NUBPL: variants seen among roughly 807,000 people sequenced by gnomAD.
The protein encoded by NUBPL is NUBP iron-sulfur cluster assembly factor, mitochondrial, also known as iron-sulfur cluster transfer protein NUBPL.
Under a neutral mutation model 45.7 loss-of-function variants are expected in NUBPL, and 31 were observed. That is an observed-to-expected ratio of 0.68 (90% CI 0.51 to 0.92). The LOEUF is 0.92. Among genes scored for constraint, NUBPL ranks in the 40% least tolerant of loss-of-function variants. NUBPL has a pLI of 0.00. For synonymous variants in NUBPL, 144 were observed against 140.9 expected, an observed-to-expected ratio of 1.02 and a Z score of -0.15; for missense variants, 401 against 398.7, an observed-to-expected ratio of 1.01 and a Z score of -0.05.
Position 31,861,143 on chromosome 14 carries a change from C to A in NUBPL, c.*1963C>A, listed in dbSNP as rs1164142579. The A allele has an allele frequency of 6.6e-6, 1 of 152,024 alleles. No individual in the cohort carries two copies. The highest frequency in any genetic ancestry group is 1.9e-4 in the East Asian group (1 of 5,190). The allele number at this position is 152,024 out of a possible 1,614,324, so 9.4% of individuals were successfully genotyped here. The stretch of plus-strand genomic sequence containing the variant: ...CCACTGGGGGAAATTGGGTGAAGGG[C>A]ACATGGAATCTCTGTATTATTTCAA... On this transcript the variant is annotated 3_prime_UTR_variant, in exon 11 of 11. Coordinates refer to ENST00000281081, the MANE Select transcript of NUBPL (RefSeq NM_025152.3).
At chr14:31,725,235 G>A (rs2037894958) in intron 6 of NUBPL, among the ~76,000 whole-genome samples, 1 of 152,086 alleles carries the variant, frequency 6.6e-6, no homozygotes, top group Non-Finnish European at 1.5e-5. Flanking sequence ...AACCCTGTGA[G>A]ATAGGTTGTA....
intron 4 of NUBPL, among the ~76,000 whole-genome samples, chr14:31,603,462 AT>A (rs1237266240): frequency 2.0e-5 from 3 of 152,054 alleles, no homozygotes. Flanking sequence ...TGGGCTTTTT[AT>A]TTTCCATTGT....
chr14:31,695,158 TAGTC>T (rs775553583), intron 6 of NUBPL, among the ~76,000 whole-genome samples: 4 of 152,218 alleles, frequency 2.6e-5, no homozygotes, highest in Non-Finnish European at 5.9e-5. Flanking sequence ...CAAACCCTGT[TAGTC>T]AGCATTGAAA....
chr14:31,698,622 T>A (rs539219296), intron 6 of NUBPL, among the ~76,000 whole-genome samples: 1 of 152,186 alleles, frequency 6.6e-6, no homozygotes, highest in Admixed American at 6.5e-5. Flanking sequence ...AGGGATATTG[T>A]TATAAATAAA....
At chr14:31,711,308 C>T (rs1055355640) in intron 6 of NUBPL, among the ~76,000 whole-genome samples, 3 of 152,158 alleles carry the variant, frequency 2.0e-5, no homozygotes, top group African/African-American at 7.2e-5. Context: ...AGAGCCCCTT[C>T]CCAGAAAGCC....
chr14:31,836,222 A>G (rs1301699969), intron 8 of NUBPL, among the ~76,000 whole-genome samples: 1 of 152,220 alleles, frequency 6.6e-6, no homozygotes, highest in Non-Finnish European at 1.5e-5. Flanking sequence ...TGCAAAAATC[A>G]CACGCAAAAA....
At chr14:31,605,840 C>T (rs1308435974) in intron 4 of NUBPL, among the ~76,000 whole-genome samples, 1 of 146,620 alleles carries the variant, frequency 6.8e-6, no homozygotes, top group Non-Finnish European at 1.5e-5. Context: ...CTCCTCCTTT[C>T]TTCCTCCTCC....
chr14:31,837,785 G>A (rs1270614372), intron 8 of NUBPL, among the ~76,000 whole-genome samples: 1 of 152,110 alleles, frequency 6.6e-6, no homozygotes, highest in Non-Finnish European at 1.5e-5. Context: ...ACAAAAAAAT[G>A]TAAAACATAT....
intron 6 of NUBPL, among the ~76,000 whole-genome samples, chr14:31,731,596 A>G (rs1354484559): frequency 2.0e-5 from 3 of 152,256 alleles, no homozygotes; most frequent in African/African-American, 7.2e-5. Flanking sequence ...AGGAATGGAT[A>G]CAAAGAACAG....
At chr14:31,682,021 G>T (rs1490688589) in intron 6 of NUBPL, among the ~76,000 whole-genome samples, 1 of 152,054 alleles carries the variant, frequency 6.6e-6, no homozygotes, top group Non-Finnish European at 1.5e-5. Flanking sequence ...TTTGGTTAAT[G>T]TTCTTTAAAT....
intron 6 of NUBPL, chr14:31,714,908 A>T (rs1184251440): frequency 1.3e-5 from 2 of 152,228 alleles, no homozygotes; most frequent in African/African-American, 4.8e-5. Flanking sequence ...AGTTTTAAAA[A>T]ACAACAAACG....
intron 4 of NUBPL, among the ~76,000 whole-genome samples, chr14:31,664,119 A>G (rs1027551144): frequency 6.6e-6 from 1 of 152,180 alleles, no homozygotes; most frequent in Non-Finnish European, 1.5e-5. Context: ...GTTGCTTATC[A>G]GCTTAAGGAG....
rs551340870 is a variant in NUBPL at position 31,644,506 on chromosome 14, C to A, written c.383-28849C>A. On this transcript the variant is annotated intron_variant, in intron 4 of 10. Transcript: ENST00000281081. The stretch of plus-strand genomic sequence containing the variant: ...GTTTCTAGTTTTATTCCACTGTAGT[C>A]CAGAAAGATACTTGATATGATTTCT... 2.6e-5 allele frequency among the ~76,000 whole-genome samples: 4 copies of A among 152,200 alleles called. No individual in the cohort carries two copies. The East Asian group carries it at 7.7e-4, about 29-fold the overall frequency.
At position 31,605,729 on chromosome 14, in the gene NUBPL, TTTC is replaced by T. The variant is rs375756486; in HGVS notation, c.382+6366_382+6368del. 2.9e-3 allele frequency among the ~76,000 whole-genome samples: 445 copies of T among 151,884 alleles called. 4 individuals are homozygous for T. The highest frequency in any genetic ancestry group is 0.02 in the Middle Eastern group (6 of 294). On this transcript the variant is annotated intron_variant, in intron 4 of 10. Transcript: ENST00000281081. ...CTTTCTTCTTTCTTCTTCTTTCTTC[TTTC>T]TTCTTCTTCTTCTTCCTTCCTTCCT...
chr14:31,700,515 G>T (rs560068407), intron 6 of NUBPL, among the ~76,000 whole-genome samples: 2 of 152,158 alleles, frequency 1.3e-5, no homozygotes, highest in Non-Finnish European at 2.9e-5. Flanking sequence ...GGCTGCAGCC[G>T]GCTCCCTCTG....
At position 31,846,582 on chromosome 14, in the gene NUBPL, G is replaced by A; in HGVS notation, c.805G>A (p.Glu269Lys). The change falls in exon 9 of 11, where the codon GAA becomes AAA. Residue 269 changes from glutamate to lysine, a missense_variant. Coordinates refer to ENST00000281081, the MANE Select transcript of NUBPL (RefSeq NM_025152.3). ...GAAACTAGCACAGACCCTTGGTCTTGAAGTTCTAGGTAAGACTGTGGGATG... is the reference window on the plus strand; with the variant it reads ...GAAACTAGCACAGACCCTTGGTCTTAAAGTTCTAGGTAAGACTGTGGGATG... Reference protein sequence around the residue: ...ARKLAQTLGLEVLGDIPLHLN... With the variant: ...ARKLAQTLGLKVLGDIPLHLN... The A allele has an allele frequency of 1.2e-6, 2 of 1,613,614 alleles. No individual in the cohort carries two copies. Among genetic ancestry groups the A allele is most frequent in the Non-Finnish European group, 1.7e-6 (2 of 1,179,820 alleles).
intron 2 of NUBPL, among the ~76,000 whole-genome samples, chr14:31,564,782 G>GC: frequency 1.3e-5 from 2 of 152,110 alleles, no homozygotes; most frequent in Middle Eastern, 6.8e-3. Flanking sequence ...TGCATCTATT[G>GC]CATTTATTGG....
At chr14:31,817,170 A>G (rs974804447) in intron 7 of NUBPL, among the ~76,000 whole-genome samples, 1 of 148,180 alleles carries the variant, frequency 6.7e-6, no homozygotes, top group African/African-American at 2.7e-5. Context: ...TTCCAGAAAC[A>G]TGTGAAAAGA....
At chr14:31,835,259 T>C (rs948502620) in intron 8 of NUBPL, among the ~76,000 whole-genome samples, 20 of 152,338 alleles carry the variant, frequency 1.3e-4, no homozygotes, top group South Asian at 4.1e-4. Flanking sequence ...TTGCTCAACT[T>C]TATTGACTCA....
Sources: gnomAD v4.1 joint callset for allele counts (sites outside exome capture counted in the v4.1 genomes callset) on GRCh38, gnomAD v4.1.1 for gene constraint, MANE v1.5 for transcripts, NCBI Gene and HGNC (gene_info 2026-07-23, HGNC 2026-07-21) for gene names.